Variants in GREB1 observed in about 807,000 individuals in gnomAD.
GREB1 encodes the protein protein GREB1.
In GREB1, 106 loss-of-function variants were observed where a neutral mutation model predicts 200.7. The ratio of observed to expected loss-of-function variants is 0.53; its 90% CI spans 0.45 to 0.62. GREB1 has a LOEUF of 0.62. Among genes scored for constraint, GREB1 ranks in the 20% least tolerant of loss-of-function variants. The probability of loss-of-function intolerance (pLI) is 0.00; values close to 1 mark genes in which losing one functional copy is unlikely to be tolerated. For missense variants in GREB1, 2,243 were observed against 2,556.8 expected (o/e 0.88, Z 2.65); for synonymous variants, 1,132 against 1,092.4 (o/e 1.04, Z -0.72).
At position 11,629,501 on chromosome 2, in the gene GREB1, C is replaced by T. The variant is rs943780405; in HGVS notation, c.4450-447C>T. Among the ~76,000 whole-genome samples the T allele has an allele frequency of 1.3e-5, 2 of 152,038 alleles. No individual in the cohort carries two copies. Among genetic ancestry groups the T allele is most frequent in the African/African-American group, 4.8e-5 (2 of 41,384 alleles). On this transcript the variant is annotated intron_variant, in intron 25 of 32. Transcript: ENST00000381486. This position sits in a 1 kb window ranked among gnomAD's most constrained non-coding sequence, Gnocchi z 5.2. ...GCACACAGGACAGAACGGTGCCTGG[C>T]GAGCCGTGTTATAGGAGTGTCCAAG...
chr2:11,610,246 T>C (rs1682796267), intron 17 of GREB1, among the ~76,000 whole-genome samples: 1 of 152,218 alleles, frequency 6.6e-6, no homozygotes, highest in African/African-American at 2.4e-5. Flanking sequence ...CCTTTAGAAC[T>C]CGGGCCTCCG....
intron 1 of GREB1, among the ~76,000 whole-genome samples, chr2:11,488,435 A>G (rs1572540791): frequency 6.6e-6 from 1 of 152,192 alleles, no homozygotes; most frequent in Non-Finnish European, 1.5e-5. Flanking sequence ...CTGGCTGTGG[A>G]AGGACAGTGA....
intron 1 of GREB1, among the ~76,000 whole-genome samples, chr2:11,483,879 C>A (rs558319172): frequency 2.6e-5 from 4 of 152,304 alleles, no homozygotes; most frequent in Middle Eastern, 3.4e-3. Flanking sequence ...TATACTGAAG[C>A]TTTTCTTTAA....
At chr2:11,606,042 C>T (rs949720994) in intron 17 of GREB1, among the ~76,000 whole-genome samples, 1 of 152,098 alleles carries the variant, frequency 6.6e-6, no homozygotes, top group Admixed American at 6.5e-5. Flanking sequence ...TTTTCCAAAG[C>T]GTAGCTGTCC....
rs200736097 is a variant in GREB1, at chr2:11,592,988, G to A, written c.1558G>A (p.Glu520Lys). The A allele has an allele frequency of 3.9e-5, 63 of 1,609,132 alleles. No individual in the cohort carries two copies. The East Asian group carries it at 1.2e-3, about 30-fold the overall frequency. Residue 520 changes from glutamate to lysine, a missense_variant, in exon 11 of 33, where the codon GAG (glutamate) becomes AAG (lysine). By Grantham distance (56) the Glu-to-Lys change is moderately conservative. Around this residue, in one of 3 missense-constraint regions of GREB1, gnomAD observed 1,178 missense variants for 1,387.4 expected, o/e 0.85. Coordinates refer to ENST00000381486, the MANE Select transcript of GREB1 (RefSeq NM_014668.4). ...SSCNDSVHVIECAYSLAEGLS... is the reference protein window; with the variant it reads ...SSCNDSVHVIKCAYSLAEGLS... ...CTGCAACGACAGCGTGCACGTCATC[G>A]AGTGTGCTTACTCCCTGGCCGAGGG...
At chr2:11,508,141 G>C (rs1012227169) in intron 1 of GREB1, among the ~76,000 whole-genome samples, 4 of 152,166 alleles carry the variant, frequency 2.6e-5, no homozygotes, top group African/African-American at 9.7e-5. Context: ...CAGACAGATA[G>C]ACACTGAGCT....
chr2:11,623,859 G>A (rs558332388), intron 23 of GREB1, among the ~76,000 whole-genome samples: 90 of 152,170 alleles, frequency 5.9e-4, no homozygotes, highest in African/African-American at 2.1e-3. Context: ...ACTCCATCCT[G>A]GAGTGACACT....
At chr2:11,484,202 G>A (rs533936162) in intron 1 of GREB1, among the ~76,000 whole-genome samples, 1 of 152,286 alleles carries the variant, frequency 6.6e-6, no homozygotes, top group East Asian at 1.9e-4. Flanking sequence ...TTGTTCATAA[G>A]CAATCCATTG....
intron 1 of GREB1, among the ~76,000 whole-genome samples, chr2:11,517,965 T>C (rs1247344140): frequency 1.3e-5 from 2 of 152,248 alleles, no homozygotes; most frequent in African/African-American, 4.8e-5. Context: ...TTAAAGATGC[T>C]GGTAACTTCA....
Position 11,637,899 on chromosome 2 carries a change from C to T in GREB1, c.5530C>T (p.Leu1844=), listed in dbSNP as rs1402802746. 3.1e-6 allele frequency: 5 copies of T among 1,614,034 alleles called. No homozygotes were observed. Among genetic ancestry groups the T allele is most frequent in the Non-Finnish European group, 4.2e-6 (5 of 1,179,948 alleles). The change falls in exon 31 of 33, where the codon CTG becomes TTG. Residue 1844 remains leucine (L), a synonymous_variant. Coordinates refer to ENST00000381486, the MANE Select transcript of GREB1 (RefSeq NM_014668.4). ...CCCAGTGCTGTCTGTCGACTGTTACCTGAACCTGGGATCTCAGGTGACTTT... is the reference window on the plus strand; with the variant it reads ...CCCAGTGCTGTCTGTCGACTGTTACTTGAACCTGGGATCTCAGGTGACTTT... ...DHPVLSVDCY[L]NLGSQISVCY...
intron 9 of GREB1, 87 bp from the exon 10 acceptor site, chr2:11,588,659 A>G (rs1418320735): frequency 1.6e-6 from 2 of 1,219,546 alleles, no homozygotes; most frequent in Non-Finnish European, 2.4e-6. Flanking sequence ...TATCTCCTTC[A>G]GTGCCCTCAC....
chr2:11,636,334 C>A (rs1395875196), intron 30 of GREB1, among the ~76,000 whole-genome samples: 1 of 152,190 alleles, frequency 6.6e-6, no homozygotes, highest in Non-Finnish European at 1.5e-5. Context: ...ACGAACTTTT[C>A]TTTTGTGTCC....
At chr2:11,497,210 T>C (rs1672911761) in intron 1 of GREB1, among the ~76,000 whole-genome samples, 1 of 152,266 alleles carries the variant, frequency 6.6e-6, no homozygotes, top group South Asian at 2.1e-4. Flanking sequence ...GATGGAATTA[T>C]ATAGTATGTG....
chr2:11,585,743 T>C lies in GREB1; in HGVS notation c.1016-19T>C. The C allele has an allele frequency of 1.2e-6, 2 of 1,612,150 alleles. No homozygotes were observed. The highest frequency in any genetic ancestry group is 1.7e-6 in the Non-Finnish European group (2 of 1,179,808). ...ATGCCTTGTCTGATGTTTTCACTAA[T>C]ATTCTTGGGTGTTCCTAGAGAGCGC... On this transcript the variant is annotated intron_variant, in intron 8 of 32. Coordinates refer to ENST00000381486, the MANE Select transcript of GREB1 (RefSeq NM_014668.4).
At chr2:11,570,512 GTTATC>G (rs896833996) in intron 4 of GREB1, among the ~76,000 whole-genome samples, 18 of 149,822 alleles carry the variant, frequency 1.2e-4, no homozygotes, top group Admixed American at 1.2e-3. Flanking sequence ...TGTTCGAATT[GTTATC>G]TTATACTTTT....
At position 11,588,842 on chromosome 2, in the gene GREB1, G is replaced by T; in HGVS notation, c.1256G>T (p.Arg419Leu). The T allele has an allele frequency of 6.2e-7, 1 of 1,614,080 alleles. No individual in the cohort carries two copies. Among genetic ancestry groups the T allele is most frequent in the Non-Finnish European group, 8.5e-7 (1 of 1,179,948 alleles). ...TACCAGAATTCCCAGTCTGTCTCAC[G>T]GGCATACGAGCAGTACGGCGCCTCT... is the stretch of plus-strand genomic sequence containing the variant. The part of the protein sequence containing the change: ...TCYQNSQSVS[R>L]AYEQYGASAI... Residue 419 changes from arginine to leucine, a missense_variant, in exon 10 of 33, where the codon CGG becomes CTG. Transcript: ENST00000381486.
At position 11,580,962 on chromosome 2, in the gene GREB1, G is replaced by T; in HGVS notation, c.901+130G>T. The T allele has an allele frequency of 8.5e-7, 1 of 1,170,610 alleles. No individual in the cohort carries two copies. The highest frequency in any genetic ancestry group is 1.3e-6 in the Non-Finnish European group (1 of 795,764). 72.5% of individuals were successfully genotyped at this position (1,170,610 alleles called of 1,614,324 possible). A position where few individuals can be genotyped will look rare whatever the true frequency, so the allele number is the denominator to read the frequency against. On this transcript the variant is annotated intron_variant, in intron 7 of 32. Transcript: ENST00000381486. The surrounding 1 kb of genome is among the most constrained non-coding windows in gnomAD (Gnocchi z 4.5). ...TCTGATGTGGCTTCCATGAGAGTCA[G>T]GCCAGGACCACAGGTGCCTCCTGAG...
intron 6 of GREB1, among the ~76,000 whole-genome samples, chr2:11,579,126 C>T (rs903099283): frequency 6.6e-6 from 1 of 152,232 alleles, no homozygotes; most frequent in African/African-American, 2.4e-5. Context: ...TCTGTAGAGG[C>T]ACATTGGCCC....
chr2:11,591,904 A>T, intron 10 of GREB1: 1 of 525,120 alleles, frequency 1.9e-6, no homozygotes, highest in Non-Finnish European at 2.4e-6. Flanking sequence ...GGTCATGGTT[A>T]AGGAAAGAAT....
Sources: allele counts gnomAD v4.1 joint callset (sites outside exome capture counted in the v4.1 genomes callset), GRCh38; gene constraint gnomAD v4.1.1; regional missense constraint gnomAD v4.1.1; non-coding constraint Gnocchi (gnomAD v3.1); transcripts MANE v1.5; gene names NCBI Gene and HGNC (gene_info 2026-07-23, HGNC 2026-07-21).